The following CTNNA2 variants were observed in gnomAD, a reference collection of about 807,000 sequenced individuals.
CTNNA2 encodes catenin alpha-2.
A neutral mutation model predicts 101.0 loss-of-function variants in CTNNA2; 42 were observed. The ratio of observed to expected loss-of-function variants is 0.42; its 90% CI spans 0.32 to 0.54. CTNNA2 has a LOEUF of 0.54. Ranked by LOEUF, CTNNA2 falls within the 20% of genes least tolerant of loss-of-function variation. CTNNA2 has a pLI of 0.14. For missense variants in CTNNA2, 871 were observed against 1,223.1 expected, an observed-to-expected ratio of 0.71 and a Z score of 4.29; for synonymous variants, 450 against 456.4, an observed-to-expected ratio of 0.99 and a Z score of 0.18.
intron 7 of CTNNA2, among the ~76,000 whole-genome samples, chr2:80,171,815 A>G (rs559379018): frequency 1.3e-5 from 2 of 152,334 alleles, no homozygotes; most frequent in South Asian, 4.1e-4. Context: ...ATCATCAGCT[A>G]GGAGGCCATA....
At chr2:79,263,856 T>C (rs1251703487) in intron 2 of CTNNA2, among the ~76,000 whole-genome samples, 1 of 152,162 alleles carries the variant, frequency 6.6e-6, no homozygotes, top group East Asian at 1.9e-4. Context: ...CCAAATACAT[T>C]TCTATTGGTT....
chr2:79,590,968 G>A (rs1228235543), intron 1 of CTNNA2, among the ~76,000 whole-genome samples: 1 of 152,086 alleles, frequency 6.6e-6, no homozygotes, highest in Non-Finnish European at 1.5e-5. Context: ...GGACTGAATG[G>A]CAGTGAGGTG....
intron 7 of CTNNA2, among the ~76,000 whole-genome samples, chr2:80,250,066 C>T (rs1160677952): frequency 6.6e-6 from 1 of 152,036 alleles, no homozygotes; most frequent in Admixed American, 6.6e-5. Context: ...TGTTTCTTTG[C>T]CTCGCCCCCT....
intron 7 of CTNNA2, among the ~76,000 whole-genome samples, chr2:80,295,433 C>T (rs1228539605): frequency 6.6e-6 from 1 of 152,150 alleles, no homozygotes; most frequent in African/African-American, 2.4e-5. Context: ...CTCTGAAGCC[C>T]CTGACTCTCA....
chr2:80,104,035 T>G (rs1310088539), intron 7 of CTNNA2, among the ~76,000 whole-genome samples: 1 of 152,210 alleles, frequency 6.6e-6, no homozygotes, highest in African/African-American at 2.4e-5. Context: ...TAACTGTTAA[T>G]TATAACAGCT....
At chr2:80,560,069 A>AAAAG (rs1553387767) in intron 12 of CTNNA2, among the ~76,000 whole-genome samples, 1,811 of 141,094 alleles carry the variant, frequency 0.013, 47 homozygotes, top group African/African-American at 0.039. Context: ...AAAAAAAAAA[A>AAAAG]AAAGAAAAAA....
chr2:79,987,625 A>G (rs1234395104), intron 7 of CTNNA2, among the ~76,000 whole-genome samples: 1 of 152,228 alleles, frequency 6.6e-6, no homozygotes, highest in African/African-American at 2.4e-5. Flanking sequence ...ATTTAAGACA[A>G]TAAATGATAG....
intron 2 of CTNNA2, among the ~76,000 whole-genome samples, chr2:79,740,442 C>T (rs1671211369): frequency 6.6e-6 from 1 of 152,122 alleles, no homozygotes. Flanking sequence ...TTTTGAAATA[C>T]TTTTGTCCTT....
At chr2:80,361,828 A>G (rs141733991) in intron 7 of CTNNA2, among the ~76,000 whole-genome samples, 4 of 152,268 alleles carry the variant, frequency 2.6e-5, no homozygotes, top group East Asian at 3.9e-4. Flanking sequence ...TCATTGTTGT[A>G]TAAGTACTAA....
intron 6 of CTNNA2, among the ~76,000 whole-genome samples, chr2:79,875,844 A>C (rs536604716): frequency 6.6e-6 from 1 of 152,310 alleles, no homozygotes; most frequent in Middle Eastern, 3.4e-3. Flanking sequence ...CTGAAAATTC[A>C]TAGAAAATAA....
chr2:79,871,882 A>G (rs1381118338), intron 5 of CTNNA2, among the ~76,000 whole-genome samples: 1 of 152,186 alleles, frequency 6.6e-6, no homozygotes, highest in Non-Finnish European at 1.5e-5. Context: ...GAGAATATAT[A>G]TGATGTTCAT....
chr2:80,188,358 CA>C (rs1308577371), intron 7 of CTNNA2, among the ~76,000 whole-genome samples: 1 of 152,134 alleles, frequency 6.6e-6, no homozygotes, highest in Non-Finnish European at 1.5e-5. Flanking sequence ...CATTTTGTGA[CA>C]GTGTTTTAAG....
rs535593747 is a variant in CTNNA2 at position 79,841,175 on chromosome 2, A to G, written c.299-16838A>G. 2.1e-4 allele frequency among the ~76,000 whole-genome samples: 32 copies of G among 152,282 alleles called. 1 individual carries two copies. Among genetic ancestry groups the G allele is most frequent in the Admixed American group, 1.1e-3 (17 of 15,302 alleles). On this transcript the variant is annotated intron_variant, in intron 3 of 18. Coordinates refer to ENST00000402739, the MANE Select transcript of CTNNA2 (RefSeq NM_001282597.3). ...GCAGGTGCGATATCAACTCACTGCA[A>G]CATCTGTTTAGAAAGGCTAAGAAAC...
At chr2:79,538,380 G>A (rs919827980) in intron 1 of CTNNA2, among the ~76,000 whole-genome samples, 1 of 151,910 alleles carries the variant, frequency 6.6e-6, no homozygotes, top group Non-Finnish European at 1.5e-5. Flanking sequence ...TTTATTTATT[G>A]TTGTTGTTGA....
intron 10 of CTNNA2, among the ~76,000 whole-genome samples, chr2:80,545,561 A>G (rs1252954839): frequency 1.3e-5 from 2 of 152,138 alleles, no homozygotes; most frequent in East Asian, 1.9e-4. Flanking sequence ...TGTGATTTAA[A>G]TGTTCCATAT....
intron 9 of CTNNA2, among the ~76,000 whole-genome samples, chr2:80,524,065 G>A (rs993681852): frequency 1.3e-5 from 2 of 152,140 alleles, no homozygotes; most frequent in Non-Finnish European, 2.9e-5. Flanking sequence ...AAGCATAGCT[G>A]CTGATGGGGA....
intron 2 of CTNNA2, among the ~76,000 whole-genome samples, chr2:79,241,190 T>A (rs1312250074): frequency 6.6e-6 from 1 of 152,198 alleles, no homozygotes; most frequent in Non-Finnish European, 1.5e-5. Flanking sequence ...ACTAACTAAA[T>A]AGCAGGATTT....
chr2:80,111,514 A>C (rs1376358626), intron 7 of CTNNA2, among the ~76,000 whole-genome samples: 1 of 152,116 alleles, frequency 6.6e-6, no homozygotes. Flanking sequence ...CCCTTTACCT[A>C]TGAAGGGCTT....
chr2:79,247,793 G>A (rs1222440697), intron 2 of CTNNA2, among the ~76,000 whole-genome samples: 1 of 152,184 alleles, frequency 6.6e-6, no homozygotes, highest in East Asian at 1.9e-4. Flanking sequence ...AGCAGAAAGT[G>A]ATCTGAAGAT....
Sources: allele counts gnomAD v4.1 joint callset (sites outside exome capture counted in the v4.1 genomes callset), GRCh38; gene constraint gnomAD v4.1.1; transcripts MANE v1.5; gene names NCBI Gene and HGNC (gene_info 2026-07-23, HGNC 2026-07-21).